Variants in GSE1 observed in about 807,000 individuals in gnomAD.
GSE1 encodes the protein genetic suppressor element 1.
Under a neutral mutation model 112.6 loss-of-function variants are expected in GSE1, and 32 were observed. The ratio of observed to expected loss-of-function variants is 0.28; its 90% confidence interval spans 0.21 to 0.38. GSE1 has a LOEUF of 0.38. Among genes scored for constraint, GSE1 ranks in the 10% least tolerant of loss-of-function variants. The pLI, the probability that GSE1 is intolerant of heterozygous loss-of-function variation, is 1.00. For synonymous variants in GSE1, 1,115 were observed against 735.6 expected, an observed-to-expected ratio of 1.52 and a Z score of -8.35; for missense variants, 2,348 against 1,699.2, an observed-to-expected ratio of 1.38 and a Z score of -6.71.
At chr16:85,511,916 T>A (rs995788354) in intron 2 of GSE1, among the ~76,000 whole-genome samples, 4 of 152,168 alleles carry the variant, frequency 2.6e-5, no homozygotes, top group African/African-American at 7.2e-5. Context: ...GAAGCTATTC[T>A]GTTGTTTTAA....
intron 1 of GSE1, among the ~76,000 whole-genome samples, chr16:85,345,602 C>T (rs1241071220): frequency 6.6e-6 from 1 of 152,154 alleles, no homozygotes; most frequent in African/African-American, 2.4e-5. Context: ...TACCATTGCC[C>T]ACCCATCCGT....
chr16:85,676,075 G>A lies in GSE1; in HGVS notation c.*3536G>A, dbSNP rs1028740962. 1.3e-5 allele frequency: 2 copies of A among 152,616 alleles called. No individual in the cohort carries two copies. The highest frequency in any genetic ancestry group is 4.8e-5 in the African/African-American group (2 of 41,432). 9.5% of individuals were successfully genotyped at this position (152,616 alleles called of 1,614,324 possible). A position where few individuals can be genotyped will look rare whatever the true frequency, so the allele number is the denominator to read the frequency against. Reference sequence around the variant, plus strand: ...GTTTAGATGCTGTGAAATTAAACCTGTTCTAAGTGTACTTGTTTGAATTAA... The same window carrying A: ...GTTTAGATGCTGTGAAATTAAACCTATTCTAAGTGTACTTGTTTGAATTAA... On this transcript the variant is annotated 3_prime_UTR_variant, in exon 16 of 16. Transcript: ENST00000253458.
In GSE1 at chr16:85,656,407, G is replaced by C. The variant is rs748008925; in HGVS notation, c.1054G>C (p.Glu352Gln). Residue 352 changes from glutamate (E) to glutamine (Q), a missense_variant, in exon 7 of 16, where the codon GAG becomes CAG. Transcript: ENST00000253458. ...CGAGCGCGAGCGCGAGCGTGAGCGT[G>C]AGGCTGACCGCGAGCGGGAGAAGGA... ...ERERERERER[E>Q]ADREREKERE... 2 of 1,583,658 alleles carry C rather than the reference G, an allele frequency of 1.3e-6. No homozygotes were observed. The highest frequency in any genetic ancestry group is 1.7e-4 in the Middle Eastern group (1 of 5,950).
chr16:85,363,132 C>T lies in GSE1; in HGVS notation c.2464+5489C>T, dbSNP rs746903686. ...GATTAGAGGCGTGAGCCACCGCACC[C>T]GCTGGATATCATTATTAATACAGAT... On this transcript the variant is annotated intron_variant, in intron 2 of 2. Coordinates refer to the GSE1 transcript ENST00000637419. Among the ~76,000 whole-genome samples the T allele has an allele frequency of 3.9e-5, 6 of 152,180 alleles. No homozygotes were observed. In the South Asian group the frequency reaches 6.2e-4, roughly 16 times the overall value.
At chr16:85,497,458 C>T (rs1458872967) in intron 2 of GSE1, among the ~76,000 whole-genome samples, 3 of 152,190 alleles carry the variant, frequency 2.0e-5, no homozygotes, top group Non-Finnish European at 4.4e-5. Context: ...TAGACAAGGT[C>T]GTGTGCGTGA....
chr16:85,239,925 G>A (rs1457783575), intron 1 of GSE1, among the ~76,000 whole-genome samples: 1 of 152,226 alleles, frequency 6.6e-6, no homozygotes, highest in Non-Finnish European at 1.5e-5. Flanking sequence ...TGGTCTGCTG[G>A]TAACGGGGTG....
At chr16:85,639,988 T>G (rs2050311553) in intron 2 of GSE1, among the ~76,000 whole-genome samples, 1 of 152,184 alleles carries the variant, frequency 6.6e-6, no homozygotes, top group South Asian at 2.1e-4. Context: ...GGGGCGATCG[T>G]GCTGCGGGCC....
chr16:85,445,991 C>T (rs780644382), intron 2 of GSE1, among the ~76,000 whole-genome samples: 1 of 152,210 alleles, frequency 6.6e-6, no homozygotes. Context: ...TGGGAGGTTC[C>T]ACGGGTAACG....
At chr16:85,631,267 C>T (rs895230160) in intron 1 of GSE1, among the ~76,000 whole-genome samples, 5 of 152,236 alleles carry the variant, frequency 3.3e-5, no homozygotes, top group East Asian at 3.8e-4. Flanking sequence ...TCTGGACTGC[C>T]CATGGCAGCC....
intron 1 of GSE1, among the ~76,000 whole-genome samples, chr16:85,242,491 T>G (rs1282335723): frequency 2.6e-5 from 4 of 152,264 alleles, no homozygotes; most frequent in Non-Finnish European, 5.9e-5. Context: ...TCGGCCACTT[T>G]GCACTGGTCC....
At chr16:85,491,584 C>T (rs560654313) in intron 2 of GSE1, among the ~76,000 whole-genome samples, 7 of 152,180 alleles carry the variant, frequency 4.6e-5, no homozygotes, top group South Asian at 2.1e-4. Flanking sequence ...GAGGGCGAGA[C>T]GGCTGTGTGG....
At chr16:85,671,760 G>A (rs2053360038) in intron 15 of GSE1, 1 of 154,198 alleles carries the variant, frequency 6.5e-6, no homozygotes, top group Non-Finnish European at 1.4e-5. Context: ...GAGCAGCAGG[G>A]TTTTATTAGA....
At chr16:85,427,862 C>T (rs1243019255) in intron 2 of GSE1, among the ~76,000 whole-genome samples, 1 of 152,158 alleles carries the variant, frequency 6.6e-6, no homozygotes, top group Non-Finnish European at 1.5e-5. Context: ...TATGTTTTAA[C>T]AAACCCCATA....
At chr16:85,495,617 A>G (rs1025047844) in intron 2 of GSE1, among the ~76,000 whole-genome samples, 8 of 151,858 alleles carry the variant, frequency 5.3e-5, no homozygotes, top group East Asian at 1.9e-4. Flanking sequence ...ACGCCTCTCA[A>G]TAAGCTGGGA....
intron 1 of GSE1, among the ~76,000 whole-genome samples, chr16:85,251,123 G>A (rs553339837): frequency 2.0e-5 from 3 of 152,198 alleles, no homozygotes; most frequent in Admixed American, 6.5e-5. Context: ...CTGTGAGCAT[G>A]CCTGTGGACG....
intron 2 of GSE1, among the ~76,000 whole-genome samples, chr16:85,502,705 C>A (rs1272699601): frequency 6.6e-6 from 1 of 152,182 alleles, no homozygotes; most frequent in Admixed American, 6.5e-5. Flanking sequence ...TGCAGGGGAG[C>A]CTGGGGTCAA....
chr16:85,396,302 G>A (rs2047964082), intron 2 of GSE1, among the ~76,000 whole-genome samples: 1 of 152,260 alleles, frequency 6.6e-6, no homozygotes. Context: ...GTTGGGAGTG[G>A]GTGGCCGTGT....
intron 2 of GSE1, among the ~76,000 whole-genome samples, chr16:85,462,704 G>GC (rs1597827066): frequency 9.7e-6 from 1 of 103,514 alleles, no homozygotes; most frequent in East Asian, 3.5e-4. Context: ...CCGCGGCGCG[G>GC]GAGGGAGGCG....
chr16:85,634,692 G>C (rs541686230), intron 2 of GSE1, among the ~76,000 whole-genome samples: 28 of 152,298 alleles, frequency 1.8e-4, no homozygotes, highest in African/African-American at 6.5e-4. Flanking sequence ...TTGGCTTCTG[G>C]TATCACCTGG....
Sources: allele counts gnomAD v4.1 joint callset (sites outside exome capture counted in the v4.1 genomes callset), GRCh38; gene constraint gnomAD v4.1.1; transcripts MANE v1.5; gene names NCBI Gene and HGNC (gene_info 2026-07-23, HGNC 2026-07-21).